The following SGIP1 variants were observed in gnomAD, a reference collection of about 807,000 sequenced individuals.
The protein encoded by SGIP1 is SH3-containing GRB2-like protein 3-interacting protein 1.
In SGIP1, 38 loss-of-function variants were observed where a neutral mutation model predicts 107.5. That is an observed-to-expected ratio of 0.35 (90% confidence interval 0.27 to 0.46). SGIP1 has a LOEUF of 0.46. SGIP1 is among the 20% of genes least tolerant of loss of function. The pLI, the probability that SGIP1 is intolerant of heterozygous loss-of-function variation, is 1.00. For synonymous variants in SGIP1, 365 were observed against 366.1 expected (o/e 1.00, Z 0.03); for missense variants, 929 against 1,019.5 (o/e 0.91, Z 1.21).
intron 1 of SGIP1, among the ~76,000 whole-genome samples, chr1:66,567,125 A>C (rs1240468745): frequency 6.6e-6 from 1 of 151,246 alleles, no homozygotes; most frequent in Non-Finnish European, 1.5e-5. Flanking sequence ...TGAGCATTTC[A>C]GTTGGTTCCA....
At chr1:66,599,360 GAGATTT>G (rs1261776183) in intron 1 of SGIP1, among the ~76,000 whole-genome samples, 2 of 152,142 alleles carry the variant, frequency 1.3e-5, no homozygotes, top group African/African-American at 4.8e-5. Flanking sequence ...TGAAGAAATT[GAGATTT>G]ACAGAGTTTT....
At position 66,750,351 on chromosome 1, in the gene SGIP1, AT is replaced by A. The variant is rs1244654098; in HGVS notation, c.*7264del. Among the ~76,000 whole-genome samples, 1 of 152,126 alleles carries A rather than the reference AT, an allele frequency of 6.6e-6. No homozygotes were observed. The highest frequency in any genetic ancestry group is 1.9e-4 in the East Asian group (1 of 5,176). On this transcript the variant is annotated 3_prime_UTR_variant, in exon 25 of 25. Coordinates refer to ENST00000371037, the MANE Select transcript of SGIP1 (RefSeq NM_032291.4). ...TACTAAGTGGCCATGTAAGGCATTG[AT>A]TTTTTTTAAACTTGAACAATGCAAG...
intron 19 of SGIP1, among the ~76,000 whole-genome samples, chr1:66,720,132 G>T (rs1388757283): frequency 6.6e-6 from 1 of 152,000 alleles, no homozygotes; most frequent in East Asian, 1.9e-4. Context: ...GAAAATCAAT[G>T]GTTTCCCTGA....
chr1:66,600,984 C>T (rs1235249253), intron 1 of SGIP1, among the ~76,000 whole-genome samples: 2 of 152,156 alleles, frequency 1.3e-5, no homozygotes, highest in African/African-American at 2.4e-5. Context: ...AGTGCTCAAA[C>T]CTTTTCCTAC....
chr1:66,694,128 C>T (rs571959563), intron 17 of SGIP1, among the ~76,000 whole-genome samples: 19 of 152,036 alleles, frequency 1.2e-4, no homozygotes, highest in South Asian at 4.2e-4. Flanking sequence ...TTATTAATGA[C>T]AGTTCCTTTA....
At chr1:66,574,482 T>C (rs2060789789) in intron 1 of SGIP1, among the ~76,000 whole-genome samples, 1 of 152,180 alleles carries the variant, frequency 6.6e-6, no homozygotes. Flanking sequence ...TTATATACAT[T>C]CTCATTGTTT....
At chr1:66,734,895 T>C (rs1024798481) in intron 21 of SGIP1, among the ~76,000 whole-genome samples, 2 of 152,212 alleles carry the variant, frequency 1.3e-5, no homozygotes, top group African/African-American at 4.8e-5. Flanking sequence ...ATTTTGAATA[T>C]ATGTACGTTA....
At chr1:66,735,727 G>A (rs571050191) in intron 21 of SGIP1, among the ~76,000 whole-genome samples, 1 of 66,664 alleles carries the variant, frequency 1.5e-5, no homozygotes, top group Admixed American at 1.2e-4. Context: ...GGCTGAGGCG[G>A]GAGAATGGCG....
chr1:66,697,960 G>A (rs72920331), intron 18 of SGIP1, among the ~76,000 whole-genome samples: 3,249 of 152,176 alleles, frequency 0.021, 116 homozygotes, highest in African/African-American at 0.075. Flanking sequence ...TTCATTCAGG[G>A]AATGTAGAAG....
intron 1 of SGIP1, among the ~76,000 whole-genome samples, chr1:66,600,258 C>T (rs1273753103): frequency 6.6e-6 from 1 of 152,120 alleles, no homozygotes; most frequent in Non-Finnish European, 1.5e-5. Context: ...CACATTTAAA[C>T]AAAAATTCTT....
At chr1:66,663,023 T>G (rs17129292) in intron 8 of SGIP1, among the ~76,000 whole-genome samples, 8,671 of 152,126 alleles carry the variant, frequency 0.057, 752 homozygotes, top group African/African-American at 0.19. Context: ...GGTTGTGCAG[T>G]TAAAAACGAT....
At chr1:66,736,921 T>G (rs2094283790) in intron 21 of SGIP1, among the ~76,000 whole-genome samples, 1 of 152,054 alleles carries the variant, frequency 6.6e-6, no homozygotes, top group Admixed American at 6.6e-5. Flanking sequence ...AAGAATATAA[T>G]TTTTTCTTGT....
chr1:66,652,178 A>G (rs1571267997), intron 7 of SGIP1, among the ~76,000 whole-genome samples: 1 of 110,248 alleles, frequency 9.1e-6, no homozygotes, highest in Non-Finnish European at 2.0e-5. Context: ...GTAAAATGGG[A>G]AAAAAATTGT....
chr1:66,579,814 G>T (rs562883916), intron 1 of SGIP1, among the ~76,000 whole-genome samples: 1 of 152,176 alleles, frequency 6.6e-6, no homozygotes, highest in Admixed American at 6.5e-5. Context: ...AATACAACTG[G>T]TCATTCTCTC....
chr1:66,607,947 G>T (rs2067174744), intron 1 of SGIP1, among the ~76,000 whole-genome samples: 1 of 152,216 alleles, frequency 6.6e-6, no homozygotes. Context: ...AATAGGGGAA[G>T]CATGCGGGGA....
intron 1 of SGIP1, among the ~76,000 whole-genome samples, chr1:66,550,941 G>A (rs753287825): frequency 1.3e-5 from 2 of 152,022 alleles, no homozygotes; most frequent in Non-Finnish European, 2.9e-5. Context: ...TACCTTTGAG[G>A]ATTTAAACTT....
At chr1:66,607,330 C>T (rs930042701) in intron 1 of SGIP1, among the ~76,000 whole-genome samples, 2 of 152,208 alleles carry the variant, frequency 1.3e-5, no homozygotes, top group Non-Finnish European at 2.9e-5. Flanking sequence ...GCCCAGTATC[C>T]TTGCATATGC....
In SGIP1 at chr1:66,746,737, A is replaced by G. The variant is rs986098919; in HGVS notation, c.*3642A>G. ...AAGTAACCCAGCTATTCTGACTGCAAAGGAAACGCCTTAATTGCTTTGTCC... is the reference window on the plus strand; with the variant it reads ...AAGTAACCCAGCTATTCTGACTGCAGAGGAAACGCCTTAATTGCTTTGTCC... On this transcript the variant is annotated 3_prime_UTR_variant, in exon 25 of 25. Transcript: ENST00000371037. 6.6e-6 allele frequency: 1 copy of G among 152,112 alleles called. No homozygotes were observed. Among genetic ancestry groups the G allele is most frequent in the Non-Finnish European group, 1.5e-5 (1 of 67,960 alleles). 9.4% of individuals were successfully genotyped at this position (152,112 alleles called of 1,614,324 possible).
intron 1 of SGIP1, among the ~76,000 whole-genome samples, chr1:66,611,694 T>A (rs1357311784): frequency 6.6e-6 from 1 of 152,106 alleles, no homozygotes; most frequent in Non-Finnish European, 1.5e-5. Context: ...ACAGATCGGA[T>A]GGACACAAGA....
Sources: allele counts gnomAD v4.1 joint callset (sites outside exome capture counted in the v4.1 genomes callset), GRCh38; gene constraint gnomAD v4.1.1; transcripts MANE v1.5; gene names NCBI Gene and HGNC (gene_info 2026-07-23, HGNC 2026-07-21).